The following CSMD1 variants were observed in gnomAD, a reference collection of about 807,000 sequenced individuals.
CSMD1 encodes CUB and Sushi multiple domains 1.
CSMD1 carries 213 observed loss-of-function variants against 417.5 expected under a neutral mutation model. That is an observed-to-expected ratio of 0.51 (90% CI 0.46 to 0.57). CSMD1 has a LOEUF of 0.57. Among genes scored for constraint, CSMD1 ranks in the 20% least tolerant of loss-of-function variants. The pLI is 0.00. For missense variants in CSMD1, 6,923 were observed against 4,529.7 expected (o/e 1.53, Z -15.17); for synonymous variants, 2,862 against 1,736.8 (o/e 1.65, Z -16.11).
At chr8:3,077,662 C>T (rs911278177) in intron 49 of CSMD1, among the ~76,000 whole-genome samples, 1 of 152,266 alleles carries the variant, frequency 6.6e-6, no homozygotes, top group Non-Finnish European at 1.5e-5. Flanking sequence ...CTTATGCCTG[C>T]ATGCCCATCG....
At chr8:3,089,833 G>C (rs1039731913) in intron 48 of CSMD1, among the ~76,000 whole-genome samples, 31 of 152,152 alleles carry the variant, frequency 2.0e-4, no homozygotes, top group African/African-American at 7.0e-4. Context: ...GGCTCTCCTT[G>C]TGGTATGACA....
intron 3 of CSMD1, among the ~76,000 whole-genome samples, chr8:4,210,687 C>G (rs747442025): frequency 3.3e-5 from 5 of 152,266 alleles, no homozygotes; most frequent in Middle Eastern, 3.4e-3. Flanking sequence ...CAATTTTCCA[C>G]TTCATTTTGC....
At chr8:3,833,516 G>C (rs1288654688) in intron 5 of CSMD1, among the ~76,000 whole-genome samples, 1 of 151,856 alleles carries the variant, frequency 6.6e-6, no homozygotes, top group African/African-American at 2.4e-5. Context: ...TTCATATTCA[G>C]AATTTTTTTC....
intron 49 of CSMD1, among the ~76,000 whole-genome samples, chr8:3,071,116 G>C (rs1396148076): frequency 6.6e-6 from 1 of 152,174 alleles, no homozygotes; most frequent in African/African-American, 2.4e-5. Context: ...TTATTATCAT[G>C]AAGATAGCAC....
chr8:2,979,619 C>T (rs955695945), intron 54 of CSMD1, among the ~76,000 whole-genome samples: 6 of 152,196 alleles, frequency 3.9e-5, no homozygotes, highest in Admixed American at 1.3e-4. Flanking sequence ...GAATCTCGGG[C>T]GGCCTCTGCA....
intron 1 of CSMD1, among the ~76,000 whole-genome samples, chr8:4,685,675 T>C (rs1266288018): frequency 6.6e-6 from 1 of 152,176 alleles, no homozygotes; most frequent in African/African-American, 2.4e-5. Context: ...CAAAATCAAT[T>C]AAATTTGAAA....
intron 59 of CSMD1, 24 bp from the exon 60 acceptor site, chr8:2,963,419 T>G: frequency 6.2e-7 from 1 of 1,606,878 alleles, no homozygotes; most frequent in East Asian, 2.2e-5. Context: ...ACAAACAAGA[T>G]CAACATTCCG....
chr8:3,317,531 T>G (rs1805854017), intron 23 of CSMD1, among the ~76,000 whole-genome samples: 1 of 152,198 alleles, frequency 6.6e-6, no homozygotes, highest in Non-Finnish European at 1.5e-5. Context: ...TACTCACTTC[T>G]TTGTATAGCA....
intron 26 of CSMD1, among the ~76,000 whole-genome samples, chr8:3,253,404 TA>T (rs978852396): frequency 1.3e-5 from 2 of 152,202 alleles, no homozygotes; most frequent in African/African-American, 4.8e-5. Context: ...CAGTTTGTTA[TA>T]ATTTCTGTTC....
rs144106819 is a variant in CSMD1, at chr8:3,977,780, G to C, written c.818+20123C>G. Among the ~76,000 whole-genome samples, 40 of 152,256 alleles carry C rather than the reference G, an allele frequency of 2.6e-4. No individual in the cohort carries two copies. The East Asian group carries it at 5.2e-3, about 20-fold the overall frequency. On this transcript the variant is annotated intron_variant, in intron 5 of 69. Transcript: ENST00000635120. ...ATCTGCATGTATGCTTAGTTAATTT[G>C]CTCCTCCAGGCTTTCATTACCTATT... is the stretch of plus-strand genomic sequence containing the variant.
chr8:3,067,610 T>C lies in CSMD1; in HGVS notation c.7475-14963A>G, dbSNP rs191119661. Among the ~76,000 whole-genome samples, 1,136 of 149,596 alleles carry C rather than the reference T, an allele frequency of 7.6e-3. 16 individuals are homozygous for C. Among genetic ancestry groups the C allele is most frequent in the African/African-American group, 0.026 (1,059 of 41,032 alleles). ...CCATATTAATGTATAATATATAGTA[T>C]ATAATATATAAATATATAATAACAT... On this transcript the variant is annotated intron_variant, in intron 49 of 69. Transcript: ENST00000635120.
At chr8:3,493,510 G>C (rs1796224468) in intron 11 of CSMD1, 113 bp downstream of exon 11, 1 of 747,586 alleles carries the variant, frequency 1.3e-6, no homozygotes, top group Non-Finnish European at 2.2e-6. Context: ...GCCATAGATG[G>C]CACTAAGCAA....
chr8:3,981,434 T>C (rs1165509083), intron 5 of CSMD1, among the ~76,000 whole-genome samples: 3 of 137,130 alleles, frequency 2.2e-5, no homozygotes, highest in Non-Finnish European at 3.0e-5. Flanking sequence ...ATCTCACAAA[T>C]CACCGCTAAA....
chr8:4,146,594 A>ATTTTTTTTTTTTTTTTTTTTTTTTTTTT (rs71205423), intron 3 of CSMD1, among the ~76,000 whole-genome samples: 1 of 64,244 alleles, frequency 1.6e-5, no homozygotes, highest in Non-Finnish European at 2.6e-5. Context: ...ATATGGACAC[A>ATTTTTTTTTTTTTTTTTTTTTTTTTTTT]TTTTTTTTTT....
At chr8:3,661,042 C>A (rs892384383) in intron 7 of CSMD1, among the ~76,000 whole-genome samples, 1 of 152,160 alleles carries the variant, frequency 6.6e-6, no homozygotes, top group South Asian at 2.1e-4. Context: ...TTCCTGCCAC[C>A]GCTAAGCCTT....
At chr8:4,384,074 C>G (rs1803283276) in intron 3 of CSMD1, among the ~76,000 whole-genome samples, 1 of 151,978 alleles carries the variant, frequency 6.6e-6, no homozygotes, top group Non-Finnish European at 1.5e-5. Context: ...TGCACCGTCT[C>G]AGATGGAATG....
chr8:3,787,015 A>T (rs74511147), intron 5 of CSMD1, among the ~76,000 whole-genome samples: 13 of 152,270 alleles, frequency 8.5e-5, no homozygotes, highest in African/African-American at 2.9e-4. Flanking sequence ...CAGGATCTGA[A>T]GTCTAACTTA....
At chr8:4,991,081 A>G (rs1367455991) in intron 1 of CSMD1, among the ~76,000 whole-genome samples, 2 of 152,144 alleles carry the variant, frequency 1.3e-5, no homozygotes, top group Admixed American at 6.5e-5. Flanking sequence ...TTGTCTGCAA[A>G]TACCTGCATT....
intron 10 of CSMD1, among the ~76,000 whole-genome samples, chr8:3,516,529 G>A (rs999306895): frequency 5.3e-5 from 8 of 152,208 alleles, no homozygotes; most frequent in Non-Finnish European, 7.3e-5. Flanking sequence ...ACCTTTGTGA[G>A]AAGCACATCA....
Sources: gnomAD v4.1 joint callset for allele counts (sites outside exome capture counted in the v4.1 genomes callset) on GRCh38, gnomAD v4.1.1 for gene constraint, MANE v1.5 for transcripts, NCBI Gene and HGNC (gene_info 2026-07-23, HGNC 2026-07-21) for gene names.